The following MEI4 variants were observed in gnomAD, a reference collection of about 807,000 sequenced individuals.
MEI4 encodes meiosis-specific protein MEI4.
In MEI4, 27 loss-of-function variants were observed where a neutral mutation model predicts 31.4. The ratio of observed to expected loss-of-function variants is 0.86; its 90% CI spans 0.63 to 1.19. MEI4 has a LOEUF of 1.19. MEI4 is among the 50% of genes most tolerant of loss of function. The pLI is 0.00. For missense variants in MEI4, 329 were observed against 398.9 expected (o/e 0.82, Z 1.49); for synonymous variants, 122 against 145.4 (o/e 0.84, Z 1.16).
At chr6:77,904,852 A>C (rs2127736369) in intron 4 of MEI4, among the ~76,000 whole-genome samples, 1 of 152,168 alleles carries the variant, frequency 6.6e-6, no homozygotes, top group Non-Finnish European at 1.5e-5. Context: ...TATATTGTGT[A>C]CCCTTGAACA....
chr6:77,650,752 A>G (rs1358639073), upstream of MEI4, among the ~76,000 whole-genome samples: 2 of 152,104 alleles, frequency 1.3e-5, no homozygotes, highest in African/African-American at 2.4e-5. Context: ...CTGTTTACCT[A>G]ATTGATTATA....
At chr6:77,868,163 A>G (rs186546882) in intron 4 of MEI4, among the ~76,000 whole-genome samples, 3 of 151,996 alleles carry the variant, frequency 2.0e-5, no homozygotes, top group Non-Finnish European at 1.5e-5. Context: ...ACACATGTAT[A>G]CATATGTAAC....
chr6:77,818,362 G>C (rs575987485), intron 3 of MEI4, among the ~76,000 whole-genome samples: 20 of 151,974 alleles, frequency 1.3e-4, no homozygotes, highest in African/African-American at 4.6e-4. Context: ...GAAGTATAAT[G>C]GTATATGATC....
At chr6:77,768,401 A>T (rs1336150213) in intron 3 of MEI4, among the ~76,000 whole-genome samples, 1 of 152,108 alleles carries the variant, frequency 6.6e-6, no homozygotes, top group Admixed American at 6.6e-5. Flanking sequence ...ATTATGTGTA[A>T]AAATGTATGT....
At chr6:77,675,670 A>C (rs898249450) in intron 1 of MEI4, among the ~76,000 whole-genome samples, 2 of 152,094 alleles carry the variant, frequency 1.3e-5, no homozygotes, top group Non-Finnish European at 2.9e-5. Flanking sequence ...TTTCTGCTCA[A>C]TCTCAATACT....
chr6:77,659,042 G>C (rs1768451461), intron 1 of MEI4, among the ~76,000 whole-genome samples: 1 of 152,138 alleles, frequency 6.6e-6, no homozygotes, highest in Admixed American at 6.5e-5. Context: ...GAGTCAACTT[G>C]GGCCTGGAGG....
At chr6:77,766,243 A>G (rs1287451093) in intron 3 of MEI4, among the ~76,000 whole-genome samples, 1 of 152,078 alleles carries the variant, frequency 6.6e-6, no homozygotes, top group African/African-American at 2.4e-5. Context: ...TACTCTTTCC[A>G]CTGGTCCCTT....
chr6:77,678,554 A>ACAACGTTATAGCCCAGCACATTGCGTAC (rs58196034), intron 1 of MEI4, among the ~76,000 whole-genome samples: 1 of 151,934 alleles, frequency 6.6e-6, no homozygotes, highest in African/African-American at 2.4e-5. Flanking sequence ...AGGAGCCATC[A>ACAACGTTATAGCCCAGCACATTGCGTAC]ATGTTTGTGG....
chr6:77,808,262 C>T (rs1157826528), intron 3 of MEI4, among the ~76,000 whole-genome samples: 1 of 152,138 alleles, frequency 6.6e-6, no homozygotes, highest in Non-Finnish European at 1.5e-5. Flanking sequence ...AATGGAAACC[C>T]ACTGAACAAA....
At chr6:77,687,536 C>T (rs1362138958) in intron 1 of MEI4, among the ~76,000 whole-genome samples, 1 of 152,198 alleles carries the variant, frequency 6.6e-6, no homozygotes, top group South Asian at 2.1e-4. Flanking sequence ...GGGCTCAGTT[C>T]CATCAGACTG....
At chr6:77,920,379 A>G (rs1438988036) in intron 4 of MEI4, among the ~76,000 whole-genome samples, 1 of 152,148 alleles carries the variant, frequency 6.6e-6, no homozygotes, top group African/African-American at 2.4e-5. Flanking sequence ...CAGCATATAA[A>G]CAGAGCCAAA....
At chr6:77,793,781 C>G (rs1478269758) in intron 3 of MEI4, among the ~76,000 whole-genome samples, 2 of 151,742 alleles carry the variant, frequency 1.3e-5, no homozygotes, top group African/African-American at 4.8e-5. Context: ...GAAAAAGCCT[C>G]TAATTGATAC....
At chr6:77,769,433 A>G (rs1262873183) in intron 3 of MEI4, among the ~76,000 whole-genome samples, 1 of 152,172 alleles carries the variant, frequency 6.6e-6, no homozygotes, top group Non-Finnish European at 1.5e-5. Flanking sequence ...CTAGACCACA[A>G]GGACTGCAAT....
At chr6:77,792,392 A>G (rs1232516274) in intron 3 of MEI4, among the ~76,000 whole-genome samples, 6 of 152,152 alleles carry the variant, frequency 3.9e-5, no homozygotes, top group Admixed American at 6.5e-5. Flanking sequence ...AATGTTTTCT[A>G]TAATGACAGT....
chr6:77,793,773 A>T (rs1421496209), intron 3 of MEI4, among the ~76,000 whole-genome samples: 1 of 152,178 alleles, frequency 6.6e-6, no homozygotes, highest in Non-Finnish European at 1.5e-5. Flanking sequence ...ATCACAAAGA[A>T]AAAGCCTCTA....
At chr6:77,739,659 A>G (rs970956113) in intron 2 of MEI4, among the ~76,000 whole-genome samples, 1 of 152,074 alleles carries the variant, frequency 6.6e-6, no homozygotes, top group East Asian at 1.9e-4. Flanking sequence ...GGTACAGCAA[A>G]CCACTATGGC....
intron 1 of MEI4, among the ~76,000 whole-genome samples, chr6:77,675,652 G>A (rs1768830615): frequency 6.6e-6 from 1 of 151,610 alleles, no homozygotes; most frequent in South Asian, 2.1e-4. Flanking sequence ...ATTGCCGTAT[G>A]TATGAATTTT....
At chr6:77,737,816 C>G (rs752996580) in intron 2 of MEI4, among the ~76,000 whole-genome samples, 1 of 152,138 alleles carries the variant, frequency 6.6e-6, no homozygotes, top group African/African-American at 2.4e-5. Flanking sequence ...GGTTGACTCT[C>G]AGGTTTCAAA....
rs115560919 is a variant in MEI4 at position 77,910,838 on chromosome 6, C to T, written c.901-12251C>T. Among the ~76,000 whole-genome samples the T allele has an allele frequency of 5.9e-3, 895 of 151,534 alleles. 11 individuals are homozygous for T. Among genetic ancestry groups the T allele is most frequent in the African/African-American group, 0.021 (859 of 41,340 alleles). On this transcript the variant is annotated intron_variant, in intron 4 of 4. Transcript: ENST00000684080. ...ATTTTTTGTTTTTTTGAGAAATCAC[C>T]ATACTGCTTTCCATGGCTACACTAA...
Sources: allele counts gnomAD v4.1 joint callset (sites outside exome capture counted in the v4.1 genomes callset), GRCh38; gene constraint gnomAD v4.1.1; transcripts MANE v1.5; gene names NCBI Gene and HGNC (gene_info 2026-07-23, HGNC 2026-07-21).